Variants in APOB observed in about 807,000 individuals in gnomAD.
APOB encodes the protein apolipoprotein B-100.
A neutral mutation model predicts 314.1 loss-of-function variants in APOB; 153 were observed. That is an observed-to-expected ratio of 0.49 (90% CI 0.43 to 0.56). The LOEUF (loss-of-function observed/expected upper bound fraction) is 0.56, where lower values mean the gene tolerates loss of function less well. Among genes scored for constraint, APOB ranks in the 20% least tolerant of loss-of-function variants. The pLI is 0.00. For missense variants in APOB, 5,430 were observed against 5,350.7 expected, an observed-to-expected ratio of 1.01 and a Z score of -0.46; for synonymous variants, 2,087 against 2,036.4, an observed-to-expected ratio of 1.02 and a Z score of -0.67.
At chr2:21,038,150 C>A (rs769187038) in intron 4 of APOB, 39 bp from the exon 5 acceptor site, 155 of 1,611,678 alleles carry the variant, frequency 9.6e-5, no homozygotes, top group Non-Finnish European at 1.3e-4. Context: ...ATGTCCTTCT[C>A]CATTACAACT....
Position 21,035,568 on chromosome 2 carries a change from G to C in APOB, c.818+16C>G, listed in dbSNP as rs1302296358. 6.2e-7 allele frequency: 1 copy of C among 1,613,726 alleles called. No individual in the cohort carries two copies. The highest frequency in any genetic ancestry group is 1.3e-5 in the African/African-American group (1 of 74,930). On this transcript the variant is annotated intron_variant, in intron 7 of 28. Coordinates refer to ENST00000233242, the MANE Select transcript of APOB (RefSeq NM_000384.3). ...ACCCATTAAATGACAAATCAGGGGT[G>C]CATCACATGACCTACTTGTAGGAGA...
chr2:21,023,754 T>C, intron 16 of APOB, 62 bp from the exon 17 acceptor site: 2 of 1,427,568 alleles, frequency 1.4e-6, no homozygotes, highest in Non-Finnish European at 1.9e-6. Flanking sequence ...TTTTGTTAAT[T>C]ACAACCTCCC....
At chr2:21,042,625 CTT>C in intron 2 of APOB, 149 bp from the exon 3 acceptor site, 1 of 708,574 alleles carries the variant, frequency 1.4e-6, no homozygotes, top group Non-Finnish European at 2.5e-6. Flanking sequence ...CTTAATTTTC[CTT>C]TATAGATTTG....
chr2:21,043,660 G>A (rs1664191074), intron 1 of APOB, 109 bp from the exon 2 acceptor site: 1 of 1,515,788 alleles, frequency 6.6e-7, no homozygotes, highest in African/African-American at 1.4e-5. Flanking sequence ...GAGGGAGGCA[G>A]GCTCCGGAGA....
chr2:21,014,958 G>C (rs113547817), intron 23 of APOB, 115 bp downstream of exon 23: 5 of 1,135,952 alleles, frequency 4.4e-6, no homozygotes, highest in African/African-American at 1.5e-5. Context: ...AATTCCCTGG[G>C]GGGAAGGAAG....
chr2:21,027,373 G>T (rs1035664721), intron 14 of APOB, among the ~76,000 whole-genome samples: 1 of 146,762 alleles, frequency 6.8e-6, no homozygotes, highest in Non-Finnish European at 1.5e-5. Flanking sequence ...GCGCAGTGGC[G>T]CAATCTCTCG....
At chr2:21,032,319 GCTC>G (rs1395607177) in intron 10 of APOB, 32 bp downstream of exon 10, 6 of 1,574,118 alleles carry the variant, frequency 3.8e-6, no homozygotes, top group Non-Finnish European at 5.2e-6. Flanking sequence ...ATGTTCCTCT[GCTC>G]CTAGGAGGAG....
chr2:21,043,374 G>A, intron 2 of APOB, 139 bp downstream of exon 2: 4 of 985,838 alleles, frequency 4.1e-6, no homozygotes, highest in Non-Finnish European at 6.3e-6. Flanking sequence ...GAGGCTCAGG[G>A]AACTTGCTTC....
Position 21,010,877 on chromosome 2 carries a change from A to T in APOB, c.5991T>A (p.Asp1997Glu), listed in dbSNP as rs768045701. Residue 1997 changes from aspartate to glutamate, a missense_variant, in exon 26 of 29, where the codon GAT becomes GAA. This residue lies in a region of APOB where 3,281 missense variants were observed against 3,171.0 expected (regional missense o/e 1.03). Transcript: ENST00000233242. Reference protein sequence around the residue: ...FNNNEYSQDLDAYNTKDKIGV... With the variant: ...FNNNEYSQDLEAYNTKDKIGV... ...CAATTTTATCTTTAGTGTTGTAAGC[A>T]TCCAAGTCCTGGCTGTATTCATTGT... 57 of 1,614,020 alleles carry T rather than the reference A, an allele frequency of 3.5e-5. 1 individual carries two copies. Among genetic ancestry groups the T allele is most frequent in the Non-Finnish European group, 4.7e-5 (56 of 1,180,028 alleles).
rs1302362259 is a variant in APOB at position 21,006,363 on chromosome 2, C to G, written c.10505G>C (p.Gly3502Ala). 13 of 1,613,988 alleles carry G rather than the reference C, an allele frequency of 8.1e-6. No homozygotes were observed. Among genetic ancestry groups the G allele is most frequent in the Non-Finnish European group, 1.0e-5 (12 of 1,179,942 alleles). The change falls in exon 26 of 29, where the codon GGT (glycine) becomes GCT (alanine). Residue 3502 changes from glycine (G) to alanine (A), a missense_variant. This residue lies in a region of APOB where 3,281 missense variants were observed against 3,171.0 expected (regional missense o/e 1.03). Transcript: ENST00000233242. ...IESSTKGDVK[G>A]SVLSREYSGT... is the part of the protein sequence containing the mutation. ...TGAATATTCCCGAGAAAGAACCGAACCCTTGACATCTCCTTTGGTAGATGA... is the reference window on the plus strand; with the variant it reads ...TGAATATTCCCGAGAAAGAACCGAAGCCTTGACATCTCCTTTGGTAGATGA...
At chr2:21,025,205 A>C in intron 15 of APOB, 81 bp from the exon 16 acceptor site, 1 of 1,418,134 alleles carries the variant, frequency 7.1e-7, no homozygotes, top group South Asian at 1.2e-5. Flanking sequence ...GACCTGTCTG[A>C]TGCAGCCAGG....
intron 14 of APOB, 61 bp downstream of exon 14, chr2:21,027,767 G>T: frequency 7.6e-7 from 1 of 1,309,220 alleles, no homozygotes; most frequent in South Asian, 1.2e-5. Flanking sequence ...GGCTCCCAGG[G>T]ACTCTCTGTT....
chr2:21,022,484 A>T (rs1287954495), intron 18 of APOB, among the ~76,000 whole-genome samples: 1 of 152,182 alleles, frequency 6.6e-6, no homozygotes, highest in Admixed American at 6.5e-5. Context: ...TTTTCCAAAG[A>T]TGATCTCTCC....
chr2:21,024,746 C>G (rs1288222895), intron 16 of APOB, 187 bp downstream of exon 16: 2 of 726,212 alleles, frequency 2.8e-6, no homozygotes, highest in Admixed American at 4.2e-5. Context: ...AGCTTAATTT[C>G]TAAATGTTAA....
chr2:21,032,466 G>A lies in APOB; in HGVS notation c.1240C>T (p.Leu414=), dbSNP rs772077972. The A allele has an allele frequency of 2.1e-5, 34 of 1,613,986 alleles. No homozygotes were observed. The highest frequency in any genetic ancestry group is 4.0e-5 in the African/African-American group (3 of 74,938). The stretch of plus-strand genomic sequence containing the variant: ...GAGGGCTCGGGGATCAGGGCCACCA[G>A]GTAGGTGACCACATCTATCAGAAGG... ...NPLLIDVVTY[L]VALIPEPSAQ... The change falls in exon 10 of 29, where the codon CTG becomes TTG. Residue 414 remains leucine (L), a synonymous_variant. Transcript: ENST00000233242.
rs1367459563 is a variant in APOB at position 21,035,712 on chromosome 2, T to C, written c.694-4A>G. 1 of 1,613,826 alleles carries C rather than the reference T, an allele frequency of 6.2e-7. No individual in the cohort carries two copies. The highest frequency in any genetic ancestry group is 8.5e-7 in the Non-Finnish European group (1 of 1,180,026). On this transcript the variant is annotated splice_region_variant and splice_polypyrimidine_tract_variant and intron_variant, in intron 6 of 28. Transcript: ENST00000233242. ...TCAGAGTTGACAAGGGGCGGGTCTA[T>C]GAAAGAGATTGGAGACGAGCATTTT...
At position 21,029,936 on chromosome 2, in the gene APOB, A is replaced by G. The variant is rs773079100; in HGVS notation, c.1432T>C (p.Cys478Arg). 7.4e-6 allele frequency: 12 copies of G among 1,614,060 alleles called. No individual in the cohort carries two copies. The South Asian group carries it at 1.2e-4, about 16-fold the overall frequency. ...TAGGTGTAATCTTCATCCCCAGTGC[A>G]GTCATCTTGAATCTGTTCCATCAGG... Reference protein sequence around the residue: ...NYLMEQIQDDCTGDEDYTYLI... With the variant: ...NYLMEQIQDDRTGDEDYTYLI... The change falls in exon 11 of 29, where the codon TGC (cysteine) becomes CGC (arginine). Residue 478 changes from cysteine to arginine, a missense_variant. Around this residue, in one of 3 missense-constraint regions of APOB, gnomAD observed 2,085 missense variants for 2,079.7 expected, o/e 1.00. Transcript: ENST00000233242.
Position 21,005,873 on chromosome 2 carries a change from T to C in APOB, c.10995A>G (p.Leu3665=). Residue 3665 remains leucine (L), a synonymous_variant, in exon 26 of 29, where the codon TTA becomes TTG. Transcript: ENST00000233242. ...TTTTGAGGAACCTTAGGTGTCCTTC[T>C]AAGGATCCTGCAATGTCAAGGTGTG... is the stretch of plus-strand genomic sequence containing the variant. ...EKAHLDIAGS[L]EGHLRFLKNI... The C allele has an allele frequency of 6.2e-7, 1 of 1,614,006 alleles. No individual in the cohort carries two copies. Among genetic ancestry groups the C allele is most frequent in the Non-Finnish European group, 8.5e-7 (1 of 1,179,942 alleles).
Position 21,036,970 on chromosome 2 carries a change from A to G in APOB, c.693+130T>C, listed in dbSNP as rs556915190. On this transcript the variant is annotated intron_variant, in intron 6 of 28. Transcript: ENST00000233242. The stretch of plus-strand genomic sequence containing the variant: ...CCTTCCCGTGCCTGCTCAGGGTCCT[A>G]TCTCTAGTCTGTATAAAAAACAGCC... The G allele has an allele frequency of 3.4e-6, 4 of 1,170,962 alleles. No homozygotes were observed. The East Asian group carries it at 7.6e-5, about 22-fold the overall frequency. 72.5% of individuals were successfully genotyped at this position (1,170,962 alleles called of 1,614,324 possible).
Sources: allele counts gnomAD v4.1 joint callset (sites outside exome capture counted in the v4.1 genomes callset), GRCh38; gene constraint gnomAD v4.1.1; regional missense constraint gnomAD v4.1.1; transcripts MANE v1.5; gene names NCBI Gene and HGNC (gene_info 2026-07-23, HGNC 2026-07-21).